The following DPYD variants were observed in gnomAD, a reference collection of about 807,000 sequenced individuals.
DPYD encodes dihydropyrimidine dehydrogenase [NADP(+)].
A neutral mutation model predicts 116.2 loss-of-function variants in DPYD; 109 were observed. The ratio of observed to expected loss-of-function variants is 0.94; its 90% CI spans 0.80 to 1.10. The LOEUF (loss-of-function observed/expected upper bound fraction) is 1.10, where lower values mean the gene tolerates loss of function less well. Among genes scored for constraint, DPYD ranks in the 50% least tolerant of loss-of-function variants. The pLI, the probability that DPYD is intolerant of heterozygous loss-of-function variation, is 0.00. For synonymous variants in DPYD, 440 were observed against 432.0 expected (o/e 1.02, Z -0.23); for missense variants, 1,302 against 1,254.5 (o/e 1.04, Z -0.57).
At chr1:97,473,328 T>A (rs1450217588) in intron 13 of DPYD, among the ~76,000 whole-genome samples, 1 of 152,236 alleles carries the variant, frequency 6.6e-6, no homozygotes, top group Non-Finnish European at 1.5e-5. Flanking sequence ...TATGGCAGAA[T>A]AATATTCCAT....
intron 13 of DPYD, among the ~76,000 whole-genome samples, chr1:97,476,834 G>A (rs1677994422): frequency 6.6e-6 from 1 of 152,074 alleles, no homozygotes; most frequent in South Asian, 2.1e-4. Context: ...GCAATAAAGT[G>A]AATCACACAA....
chr1:97,525,885 T>TGCGC (rs1350535659), intron 12 of DPYD, among the ~76,000 whole-genome samples: 1 of 65,934 alleles, frequency 1.5e-5, no homozygotes, highest in Admixed American at 1.8e-4. Flanking sequence ...TGTGTGTGTG[T>TGCGC]GCGCGCGCGC....
chr1:97,893,919 A>G (rs181664383), intron 1 of DPYD, among the ~76,000 whole-genome samples: 2 of 151,968 alleles, frequency 1.3e-5, no homozygotes, highest in East Asian at 3.9e-4. Context: ...TGACAATTCA[A>G]ACACAAGAAT....
intron 16 of DPYD, among the ~76,000 whole-genome samples, chr1:97,335,643 T>G (rs1383362958): frequency 1.3e-5 from 2 of 152,094 alleles, no homozygotes; most frequent in Non-Finnish European, 2.9e-5. Flanking sequence ...TTACCACAGC[T>G]CTCTCTAACT....
At chr1:97,474,103 C>G (rs928446745) in intron 13 of DPYD, among the ~76,000 whole-genome samples, 1 of 151,218 alleles carries the variant, frequency 6.6e-6, no homozygotes, top group East Asian at 1.9e-4. Context: ...ACCGTATGAT[C>G]CAGCAATTTT....
chr1:97,355,008 T>C (rs1670351335), intron 16 of DPYD, among the ~76,000 whole-genome samples: 1 of 152,176 alleles, frequency 6.6e-6, no homozygotes, highest in Admixed American at 6.6e-5. Flanking sequence ...AATAGGCACT[T>C]TGCCTAGAAT....
intron 16 of DPYD, among the ~76,000 whole-genome samples, chr1:97,333,141 C>T (rs940337015): frequency 4.6e-5 from 7 of 150,862 alleles, no homozygotes; most frequent in Non-Finnish European, 7.4e-5. Flanking sequence ...CTGCAACCTC[C>T]GCCTCCCTGG....
intron 14 of DPYD, among the ~76,000 whole-genome samples, chr1:97,425,073 G>A (rs57786078): frequency 0.01 from 1,527 of 152,000 alleles, 33 homozygotes; most frequent in African/African-American, 0.035. Context: ...TTAGGGTATC[G>A]CATTATAAAA....
chr1:97,720,886 C>A, intron 5 of DPYD: 1 of 1,609,458 alleles, frequency 6.2e-7, no homozygotes. Flanking sequence ...GAATCAAAGT[C>A]TTTACAAATG....
chr1:97,873,747 T>C (rs967348660), intron 2 of DPYD, among the ~76,000 whole-genome samples: 1 of 152,066 alleles, frequency 6.6e-6, no homozygotes, highest in East Asian at 1.9e-4. Flanking sequence ...AAGTACACAG[T>C]TGTATTCTCA....
chr1:97,217,005 C>T (rs1462177966), intron 19 of DPYD, among the ~76,000 whole-genome samples: 2 of 151,940 alleles, frequency 1.3e-5, no homozygotes, highest in Non-Finnish European at 2.9e-5. Flanking sequence ...GTCAGGAGTT[C>T]GAGACCAGCC....
At chr1:97,399,232 G>T (rs1233452847) in intron 14 of DPYD, among the ~76,000 whole-genome samples, 1 of 152,106 alleles carries the variant, frequency 6.6e-6, no homozygotes, top group African/African-American at 2.4e-5. Context: ...GTTTTTGTCA[G>T]GTTTGTCAAA....
At chr1:97,099,720 A>G (rs1650525443) in intron 20 of DPYD, among the ~76,000 whole-genome samples, 1 of 152,092 alleles carries the variant, frequency 6.6e-6, no homozygotes, top group Admixed American at 6.6e-5. Flanking sequence ...TCTCTGACCT[A>G]GCAAGTATTT....
At chr1:97,453,941 C>A (rs925866144) in intron 13 of DPYD, among the ~76,000 whole-genome samples, 2 of 151,926 alleles carry the variant, frequency 1.3e-5, no homozygotes, top group African/African-American at 4.8e-5. Context: ...TTTATTTAAA[C>A]AGGTCAATTT....
chr1:97,549,218 C>T (rs1458812447), intron 12 of DPYD, among the ~76,000 whole-genome samples: 3 of 152,084 alleles, frequency 2.0e-5, no homozygotes, highest in Admixed American at 6.6e-5. Flanking sequence ...AGGCGTGTGC[C>T]ACCATGCCCA....
chr1:97,428,572 C>T (rs995204044), intron 14 of DPYD, among the ~76,000 whole-genome samples: 5 of 151,896 alleles, frequency 3.3e-5, no homozygotes, highest in Admixed American at 6.6e-5. Flanking sequence ...TAGAAGTAAC[C>T]GGGAGATCCT....
At chr1:97,341,890 G>A (rs553081138) in intron 16 of DPYD, among the ~76,000 whole-genome samples, 3 of 152,272 alleles carry the variant, frequency 2.0e-5, no homozygotes, top group Admixed American at 6.5e-5. Flanking sequence ...GCTATAGTGA[G>A]AGAATTCATA....
intron 13 of DPYD, among the ~76,000 whole-genome samples, chr1:97,509,795 T>C (rs1264541802): frequency 6.6e-6 from 1 of 151,948 alleles, no homozygotes; most frequent in Non-Finnish European, 1.5e-5. Flanking sequence ...AGGCAGGTCC[T>C]AGTAGATTCT....
intron 20 of DPYD, among the ~76,000 whole-genome samples, chr1:97,123,772 T>C (rs1272034366): frequency 1.3e-5 from 2 of 152,276 alleles, no homozygotes; most frequent in East Asian, 1.9e-4. Context: ...TTTAACAGAT[T>C]TTTTGTTGTT....
Sources: allele counts gnomAD v4.1 joint callset (sites outside exome capture counted in the v4.1 genomes callset), GRCh38; gene constraint gnomAD v4.1.1; transcripts MANE v1.5; gene names NCBI Gene and HGNC (gene_info 2026-07-23, HGNC 2026-07-21).